TRIQK: variants seen among roughly 807,000 people sequenced by gnomAD.
TRIQK encodes triple QxxK/R motif containing, also known as triple QxxK/R motif-containing protein.
TRIQK carries 10 observed loss-of-function variants against 10.8 expected under a neutral mutation model. The observed-to-expected ratio is 0.92, with a 90% CI of 0.57 to 1.57. The LOEUF is 1.57. Among genes scored for constraint, TRIQK ranks in the 40% most tolerant of loss-of-function variants. TRIQK has a pLI of 0.00. For missense variants in TRIQK, 107 were observed against 97.7 expected, an observed-to-expected ratio of 1.09 and a Z score of -0.40; for synonymous variants, 33 against 33.7, an observed-to-expected ratio of 0.98 and a Z score of 0.07.
chr8:92,922,738 G>A (rs1351116580), intron 2 of TRIQK: 1 of 151,406 alleles, frequency 6.6e-6, no homozygotes. Context: ...ATTTTCAGAG[G>A]GGCCTATGCT....
At chr8:92,903,580 G>T (rs566153450) in intron 3 of TRIQK, among the ~76,000 whole-genome samples, 2 of 152,116 alleles carry the variant, frequency 1.3e-5, no homozygotes, top group South Asian at 4.2e-4. Context: ...AAAACTGCAG[G>T]CTATAGGTGC....
intron 1 of TRIQK, among the ~76,000 whole-genome samples, chr8:93,007,365 C>A (rs1288083891): frequency 6.6e-6 from 1 of 152,196 alleles, no homozygotes; most frequent in African/African-American, 2.4e-5. Flanking sequence ...CCCACAAAAA[C>A]CCCATCCAAA....
At chr8:92,894,416 G>A (rs1369773926) in intron 3 of TRIQK, among the ~76,000 whole-genome samples, 4 of 151,456 alleles carry the variant, frequency 2.6e-5, no homozygotes, top group African/African-American at 9.7e-5. Flanking sequence ...ATAAAATATA[G>A]AAGTCCCTGA....
chr8:92,922,251 C>T (rs911506960), intron 2 of TRIQK: 29 of 151,676 alleles, frequency 1.9e-4, no homozygotes, highest in African/African-American at 6.8e-4. Flanking sequence ...TCAATAGATA[C>T]ATTATAATTT....
chr8:92,916,921 T>C lies in TRIQK; in HGVS notation c.61+8A>G, dbSNP rs1229639256. ...ATAGGAGTGTATCAAAGATAATTCA[T>C]TGCTTACCAATTTGTTTTCTGTACT... On this transcript the variant is annotated splice_region_variant and intron_variant, in intron 3 of 4. Coordinates refer to ENST00000521988, the MANE Select transcript of TRIQK (RefSeq NM_001171797.2). The C allele has an allele frequency of 2.1e-6, 3 of 1,461,792 alleles. No individual in the cohort carries two copies. The highest frequency in any genetic ancestry group is 2.7e-6 in the Non-Finnish European group (3 of 1,112,242). 90.6% of individuals were successfully genotyped at this position (1,461,792 alleles called of 1,614,324 possible). A position where few individuals can be genotyped will look rare whatever the true frequency, so the allele number is the denominator to read the frequency against.
chr8:92,970,604 T>G (rs1453851685), upstream of TRIQK, among the ~76,000 whole-genome samples: 2 of 152,222 alleles, frequency 1.3e-5, no homozygotes, highest in East Asian at 3.9e-4. Context: ...TGTCTTCTTT[T>G]GAGATGTCCC....
chr8:92,933,863 T>A (rs1187808076), intron 2 of TRIQK, among the ~76,000 whole-genome samples: 1 of 152,082 alleles, frequency 6.6e-6, no homozygotes, highest in Non-Finnish European at 1.5e-5. Flanking sequence ...AGATAACATA[T>A]CACTCACTGA....
chr8:92,956,362 G>C (rs1812171939), intron 1 of TRIQK, among the ~76,000 whole-genome samples: 1 of 151,734 alleles, frequency 6.6e-6, no homozygotes, highest in Non-Finnish European at 1.5e-5. Flanking sequence ...AAAGAAAATA[G>C]ATTAGTGGTT....
upstream of TRIQK, among the ~76,000 whole-genome samples, chr8:92,968,286 G>A (rs989446452): frequency 2.6e-5 from 4 of 152,128 alleles, no homozygotes; most frequent in African/African-American, 9.7e-5. Context: ...CTTTATAGTA[G>A]CATGATTTAT....
At chr8:92,978,596 T>G (rs1267402674) in intron 1 of TRIQK, among the ~76,000 whole-genome samples, 1 of 152,124 alleles carries the variant, frequency 6.6e-6, no homozygotes, top group Non-Finnish European at 1.5e-5. Flanking sequence ...ACTTTAAACT[T>G]AATTGAAGTG....
chr8:93,016,621 T>A (rs905621017), intron 1 of TRIQK, among the ~76,000 whole-genome samples: 2 of 152,220 alleles, frequency 1.3e-5, no homozygotes, highest in African/African-American at 4.8e-5. Context: ...TGTGGATCCT[T>A]ATAACAATTT....
intron 2 of TRIQK, among the ~76,000 whole-genome samples, chr8:92,947,476 C>T (rs1338891562): frequency 6.8e-6 from 1 of 147,358 alleles, no homozygotes; most frequent in East Asian, 2.1e-4. Context: ...CCCAGCTACT[C>T]GGGAGGCTGA....
chr8:93,002,880 A>G (rs1229353425), intron 1 of TRIQK, among the ~76,000 whole-genome samples: 1 of 151,614 alleles, frequency 6.6e-6, no homozygotes, highest in Non-Finnish European at 1.5e-5. Flanking sequence ...AGATCCTGCC[A>G]TTGCACTTCA....
At chr8:92,932,005 T>C (rs1810752855) in intron 2 of TRIQK, among the ~76,000 whole-genome samples, 1 of 152,284 alleles carries the variant, frequency 6.6e-6, no homozygotes, top group South Asian at 2.1e-4. Flanking sequence ...AGATAGACTG[T>C]CCTTATTTAC....
intron 1 of TRIQK, among the ~76,000 whole-genome samples, chr8:92,989,192 A>G (rs2130748766): frequency 6.6e-6 from 1 of 152,364 alleles, no homozygotes; most frequent in Non-Finnish European, 1.5e-5. Flanking sequence ...TCCCAAAATC[A>G]AAGTAAATTT....
intron 1 of TRIQK, among the ~76,000 whole-genome samples, chr8:92,964,601 C>A (rs1812640209): frequency 1.4e-5 from 2 of 140,970 alleles, no homozygotes; most frequent in Non-Finnish European, 3.0e-5. Context: ...CTAAATAACC[C>A]TAAGATTAAA....
At chr8:92,946,605 T>C (rs564867363) in intron 2 of TRIQK, among the ~76,000 whole-genome samples, 1 of 152,290 alleles carries the variant, frequency 6.6e-6, no homozygotes, top group East Asian at 1.9e-4. Flanking sequence ...ACAACTTTTA[T>C]TCAATGAATA....
chr8:93,006,157 T>C (rs1353834350), intron 1 of TRIQK, among the ~76,000 whole-genome samples: 1 of 152,002 alleles, frequency 6.6e-6, no homozygotes, highest in Middle Eastern at 3.2e-3. Context: ...GAGGACCACC[T>C]GTGGGGAGGG....
intron 4 of TRIQK, among the ~76,000 whole-genome samples, chr8:92,888,883 C>A (rs1377690362): frequency 6.6e-6 from 1 of 151,550 alleles, no homozygotes; most frequent in Non-Finnish European, 1.5e-5. Context: ...AAATGTAAAT[C>A]TTTTCCTTCT....
Sources: allele counts gnomAD v4.1 joint callset (sites outside exome capture counted in the v4.1 genomes callset), GRCh38; gene constraint gnomAD v4.1.1; transcripts MANE v1.5; gene names NCBI Gene and HGNC (gene_info 2026-07-23, HGNC 2026-07-21).